Variants in ATP5PB observed in about 807,000 individuals in gnomAD.
The protein encoded by ATP5PB is ATP synthase peripheral stalk-membrane subunit b, also known as ATP synthase peripheral stalk subunit b, mitochondrial.
ATP5PB carries 21 observed loss-of-function variants against 34.5 expected under a neutral mutation model. That is an observed-to-expected ratio of 0.61 (90% CI 0.43 to 0.88). The LOEUF (loss-of-function observed/expected upper bound fraction) is 0.88, where lower values mean the gene tolerates loss of function less well. Among genes scored for constraint, ATP5PB ranks in the 40% least tolerant of loss-of-function variants. The probability of loss-of-function intolerance (pLI) is 0.00; values close to 1 mark genes in which losing one functional copy is unlikely to be tolerated. For synonymous variants in ATP5PB, 108 were observed against 114.1 expected (o/e 0.95, Z 0.34); for missense variants, 293 against 317.4 (o/e 0.92, Z 0.58).
intron 3 of ATP5PB, among the ~76,000 whole-genome samples, chr1:111,455,835 A>C (rs1257586987): frequency 1.3e-4 from 20 of 152,250 alleles, no homozygotes; most frequent in Non-Finnish European, 8.8e-5. Context: ...TTTTACAAAT[A>C]AGGAACTAAA....
rs1235757380 is a variant in ATP5PB at position 111,461,558 on chromosome 1, C to T, written c.*564C>T. The T allele has an allele frequency of 6.6e-6, 1 of 152,194 alleles. No homozygotes were observed. The highest frequency in any genetic ancestry group is 2.4e-5 in the African/African-American group (1 of 41,368). 9.4% of individuals were successfully genotyped at this position (152,194 alleles called of 1,614,324 possible). A position where few individuals can be genotyped will look rare whatever the true frequency, so the allele number is the denominator to read the frequency against. On this transcript the variant is annotated 3_prime_UTR_variant, in exon 7 of 7. Transcript: ENST00000369722. ...TGACTTTATTATTTTAGTAGTATGC[C>T]TATAGAAAATATTATGGACTCAGAG...
At chr1:111,457,742 TA>T (rs1304723798) in intron 5 of ATP5PB, among the ~76,000 whole-genome samples, 3 of 152,160 alleles carry the variant, frequency 2.0e-5, no homozygotes. Context: ...GAACCTTTCT[TA>T]GGGGCTATCC....
intron 2 of ATP5PB, among the ~76,000 whole-genome samples, chr1:111,450,979 C>T (rs911839349): frequency 6.6e-6 from 1 of 152,218 alleles, no homozygotes; most frequent in Non-Finnish European, 1.5e-5. Context: ...TGGACTCTGA[C>T]TGCTGCTTCC....
intron 2 of ATP5PB, among the ~76,000 whole-genome samples, chr1:111,450,731 G>GA (rs1372315850): frequency 4.0e-5 from 6 of 151,576 alleles, no homozygotes; most frequent in Middle Eastern, 6.8e-3. Flanking sequence ...AACTCAAATT[G>GA]AAAAAAAATG....
intron 3 of ATP5PB, 135 bp downstream of exon 3, chr1:111,454,491 C>CT (rs1291748934): frequency 3.4e-5 from 40 of 1,166,784 alleles, no homozygotes; most frequent in Non-Finnish European, 4.6e-5. Context: ...GGGTATTACT[C>CT]TATCACCCAG....
At chr1:111,449,760 T>TA in intron 1 of ATP5PB, 77 bp from the exon 2 acceptor site, 1 of 1,603,942 alleles carries the variant, frequency 6.2e-7, no homozygotes, top group Admixed American at 1.7e-5. Context: ...GGCTTAGTGA[T>TA]AGAGCCTGGC....
intron 2 of ATP5PB, among the ~76,000 whole-genome samples, chr1:111,452,101 C>T (rs1653350858): frequency 6.8e-6 from 1 of 146,304 alleles, no homozygotes; most frequent in African/African-American, 2.6e-5. Context: ...GCCTGGGTGA[C>T]ACAGTGAGAC....
chr1:111,449,539 A>G lies in ATP5PB; in HGVS notation c.-3A>G. On this transcript the variant is annotated 5_prime_UTR_variant, in exon 1 of 7. Coordinates refer to ENST00000369722, the MANE Select transcript of ATP5PB (RefSeq NM_001688.5). ...AAGATTGCTACCTGGACTTTCGTTG[A>G]CCATGCTGTCCCGGGTGGTACTTTC... The G allele has an allele frequency of 6.2e-7, 1 of 1,613,778 alleles. No individual in the cohort carries two copies. The highest frequency in any genetic ancestry group is 8.5e-7 in the Non-Finnish European group (1 of 1,179,844).
intron 5 of ATP5PB, 135 bp downstream of exon 5, chr1:111,456,890 G>A: frequency 9.3e-7 from 1 of 1,074,578 alleles, no homozygotes; most frequent in Non-Finnish European, 1.2e-6. Flanking sequence ...TGTAGGAGTT[G>A]GCATTCACGG....
chr1:111,456,063 A>T, intron 3 of ATP5PB, 23 bp from the exon 4 acceptor site: 1 of 1,539,426 alleles, frequency 6.5e-7, no homozygotes, highest in Non-Finnish European at 8.8e-7. Flanking sequence ...ATCCCTTCAT[A>T]AAATAACTCT....
Position 111,459,440 on chromosome 1 carries a change from T to G in ATP5PB, c.514-17T>G. 6.3e-7 allele frequency: 1 copy of G among 1,593,094 alleles called. No individual in the cohort carries two copies. The highest frequency in any genetic ancestry group is 8.6e-7 in the Non-Finnish European group (1 of 1,167,146). Reference sequence around the variant, plus strand: ...AAGTATACAAACAATATTTATCATTTCTTAATTTTGCCCCAGAATAACATT... The same window carrying G: ...AAGTATACAAACAATATTTATCATTGCTTAATTTTGCCCCAGAATAACATT... On this transcript the variant is annotated splice_polypyrimidine_tract_variant and intron_variant, in intron 5 of 6. Transcript: ENST00000369722.
intron 2 of ATP5PB, 107 bp from the exon 3 acceptor site, chr1:111,454,104 G>A: frequency 8.1e-7 from 1 of 1,233,466 alleles, no homozygotes; most frequent in Non-Finnish European, 1.1e-6. Flanking sequence ...ATGAGAGTTA[G>A]AAAACTGCCT....
Position 111,449,816 on chromosome 1 carries a change from C to G in ATP5PB, c.41-21C>G. 3 of 1,614,140 alleles carry G rather than the reference C, an allele frequency of 1.9e-6. No homozygotes were observed. In the South Asian group the frequency reaches 3.3e-5, roughly 18 times the overall value. ...CCAGATTTCATTTGACTTTGCTGAC[C>G]TTCGCCTTGTCTATCTGCAGCCCCC... On this transcript the variant is annotated intron_variant, in intron 1 of 6. Transcript: ENST00000369722.
chr1:111,450,692 A>C (rs995661894), intron 2 of ATP5PB, among the ~76,000 whole-genome samples: 2 of 152,148 alleles, frequency 1.3e-5, no homozygotes, highest in Non-Finnish European at 2.9e-5. Context: ...TTACTTCCAA[A>C]CTTAGTTCTA....
At position 111,454,231 on chromosome 1, in the gene ATP5PB, C is replaced by A; in HGVS notation, c.98C>A (p.Thr33Asn). Reference protein sequence around the residue: ...LGPGVLQATRTFHTGQPHLVP... With the variant: ...LGPGVLQATRNFHTGQPHLVP... ...TGTAGGGTATTGCAGGCAACAAGGA[C>A]CTTTCATACAGGGCAGCCACACCTT... The change falls in exon 3 of 7, where the codon ACC (threonine) becomes AAC (asparagine). Residue 33 changes from threonine (T) to asparagine (N), a missense_variant. By Grantham distance (65) the Thr-to-Asn change is moderately conservative. Transcript: ENST00000369722. 1.2e-6 allele frequency: 2 copies of A among 1,601,260 alleles called. No homozygotes were observed. The highest frequency in any genetic ancestry group is 1.7e-6 in the Non-Finnish European group (2 of 1,175,942).
At chr1:111,449,918 CT>C in intron 2 of ATP5PB, 45 bp downstream of exon 2, 2 of 1,611,920 alleles carry the variant, frequency 1.2e-6, no homozygotes, top group Non-Finnish European at 1.7e-6. Flanking sequence ...TTTTCACTAC[CT>C]TTTATTTCCC....
chr1:111,451,072 G>A (rs550444122), intron 2 of ATP5PB, among the ~76,000 whole-genome samples: 4 of 152,158 alleles, frequency 2.6e-5, no homozygotes, highest in African/African-American at 7.2e-5. Context: ...CTCTATTCTT[G>A]TCCCATTACA....
intron 5 of ATP5PB, among the ~76,000 whole-genome samples, chr1:111,458,045 T>C (rs991925070): frequency 1.3e-5 from 2 of 152,142 alleles, no homozygotes; most frequent in African/African-American, 4.8e-5. Context: ...TGTGTAGATA[T>C]TCTGATCAAG....
At position 111,461,931 on chromosome 1, in the gene ATP5PB, C is replaced by T. The variant is rs1347173417; in HGVS notation, c.*937C>T. 2.6e-5 allele frequency: 4 copies of T among 151,534 alleles called. No homozygotes were observed. Among genetic ancestry groups the T allele is most frequent in the Non-Finnish European group, 5.9e-5 (4 of 67,920 alleles). The allele number at this position is 151,534 out of a possible 1,614,324, so 9.4% of individuals were successfully genotyped here. A position where few individuals can be genotyped will look rare whatever the true frequency, so the allele number is the denominator to read the frequency against. On this transcript the variant is annotated 3_prime_UTR_variant, in exon 7 of 7. Transcript: ENST00000369722. ...AAAAAAAAAAAAATCCAGCAGACACCTATCAGGAACATAGAAAATAACAAG... is the reference window on the plus strand; with the variant it reads ...AAAAAAAAAAAAATCCAGCAGACACTTATCAGGAACATAGAAAATAACAAG...
Sources: allele counts gnomAD v4.1 joint callset (sites outside exome capture counted in the v4.1 genomes callset), GRCh38; gene constraint gnomAD v4.1.1; transcripts MANE v1.5; gene names NCBI Gene and HGNC (gene_info 2026-07-23, HGNC 2026-07-21).